The following ZNF57 variants were observed in gnomAD, a reference collection of about 807,000 sequenced individuals.
ZNF57 encodes the protein zinc finger protein 424.
In ZNF57, 11 loss-of-function variants were observed where a neutral mutation model predicts 13.4. The observed-to-expected ratio is 0.82, with a 90% CI of 0.52 to 1.36. ZNF57 has a LOEUF of 1.36. ZNF57 is among the 40% of genes most tolerant of loss of function. ZNF57 has a pLI of 0.00. For missense variants in ZNF57, 696 were observed against 667.5 expected (o/e 1.04, Z -0.47); for synonymous variants, 224 against 238.5 (o/e 0.94, Z 0.56).
chr19:2,901,132 C>T (rs995750286), intron 1 of ZNF57, 84 bp downstream of exon 1: 21 of 1,348,638 alleles, frequency 1.6e-5, no homozygotes, highest in African/African-American at 1.4e-4. Flanking sequence ...AGTCTGCGGC[C>T]GGGATTGGCT....
rs767991885 is a variant in ZNF57 at position 2,916,075 on chromosome 19, C to T, written c.131-3C>T. The T allele has an allele frequency of 7.5e-6, 12 of 1,603,084 alleles. No homozygotes were observed. The South Asian group carries it at 1.1e-4, about 15-fold the overall frequency. ...TTGAGATTTGTTTACTTTTTTGTTG[C>T]AGATGATGGGACTCAATTTAAAGCC... On this transcript the variant is annotated splice_polypyrimidine_tract_variant and splice_region_variant and intron_variant, in intron 2 of 3. Coordinates refer to ENST00000306908, the MANE Select transcript of ZNF57 (RefSeq NM_173480.3).
chr19:2,901,524 T>A (rs890039470), intron 1 of ZNF57, among the ~76,000 whole-genome samples: 42 of 43,330 alleles, frequency 9.7e-4, no homozygotes, highest in African/African-American at 2.4e-3. Context: ...TTTATTTTTT[T>A]ATTTTTTTTA....
chr19:2,908,461 G>GTTTTT (rs60289248), intron 1 of ZNF57, among the ~76,000 whole-genome samples: 2,492 of 122,590 alleles, frequency 0.02, 158 homozygotes, highest in African/African-American at 0.068. Flanking sequence ...TATTTTTTTG[G>GTTTTT]TTTTTTTTTT....
At chr19:2,909,100 T>A (rs1420756380) in intron 1 of ZNF57, among the ~76,000 whole-genome samples, 1 of 152,078 alleles carries the variant, frequency 6.6e-6, no homozygotes, top group Non-Finnish European at 1.5e-5. Context: ...TATCAGTTGA[T>A]CAACTTTGAG....
rs143668692 is a variant in ZNF57, at chr19:2,918,149, G to C, written c.1528G>C (p.Gly510Arg). 6.8e-5 allele frequency: 109 copies of C among 1,614,086 alleles called. No individual in the cohort carries two copies. The highest frequency in any genetic ancestry group is 8.6e-5 in the Non-Finnish European group (101 of 1,180,042). The stretch of plus-strand genomic sequence containing the variant: ...GAAACCTCACAAATGTAAACAATGT[G>C]GGATGTCCTTCAAGTGGCACTCCTC... Reference protein sequence around the residue: ...GEKPHKCKQCGMSFKWHSSFR... With the variant: ...GEKPHKCKQCRMSFKWHSSFR... The change falls in exon 4 of 4, where the codon GGG becomes CGG. Residue 510 changes from glycine (G) to arginine (R), a missense_variant. Physicochemically the swap from Gly to Arg is moderately radical, Grantham distance 125. This residue lies in a region of ZNF57 where 645 missense variants were observed against 591.5 expected (regional missense o/e 1.09). Transcript: ENST00000306908.
At chr19:2,902,590 A>G (rs921728106) in intron 1 of ZNF57, among the ~76,000 whole-genome samples, 1 of 152,212 alleles carries the variant, frequency 6.6e-6, no homozygotes, top group Non-Finnish European at 1.5e-5. Context: ...CAGACAAAAA[A>G]TAATAGTTAT....
rs916056141 is a variant in ZNF57 at position 2,916,974 on chromosome 19, G to C, written c.353G>C (p.Gly118Ala). 2 of 1,612,844 alleles carry C rather than the reference G, an allele frequency of 1.2e-6. No individual in the cohort carries two copies. Among genetic ancestry groups the C allele is most frequent in the South Asian group, 1.1e-5 (1 of 90,866 alleles). ...ACACATAATGAAGGTAATCAATATG[G>C]AGAAGCCATCCATCAAATGCCAGAT... Reference protein sequence around the residue: ...FCTHNEGNQYGEAIHQMPDLT... With the variant: ...FCTHNEGNQYAEAIHQMPDLT... The change falls in exon 4 of 4, where the codon GGA becomes GCA. Residue 118 changes from glycine to alanine, a missense_variant. Around this residue, in one of 3 missense-constraint regions of ZNF57, gnomAD observed 645 missense variants for 591.5 expected, o/e 1.09. Transcript: ENST00000306908.
In ZNF57 at chr19:2,917,072, C is replaced by G. The variant is rs1329149225; in HGVS notation, c.451C>G (p.His151Asp). The G allele has an allele frequency of 6.2e-7, 1 of 1,614,184 alleles. No homozygotes were observed. Among genetic ancestry groups the G allele is most frequent in the Non-Finnish European group, 8.5e-7 (1 of 1,180,038 alleles). ...ECTKCRTVFT[H>D]LSSLKRHVKS... Reference sequence around the variant, plus strand: ...CACCAAGTGCAGGACAGTCTTCACGCATCTTTCTTCTCTTAAAAGGCACGT... The same window carrying G: ...CACCAAGTGCAGGACAGTCTTCACGGATCTTTCTTCTCTTAAAAGGCACGT... Residue 151 changes from histidine to aspartate, a missense_variant, in exon 4 of 4, where the codon CAT (histidine) becomes GAT (aspartate). Physicochemically the swap from His to Asp is moderately conservative, Grantham distance 81 (BLOSUM62 -1). Around this residue, in one of 3 missense-constraint regions of ZNF57, gnomAD observed 645 missense variants for 591.5 expected, o/e 1.09. Coordinates refer to ENST00000306908, the MANE Select transcript of ZNF57 (RefSeq NM_173480.3).
Position 2,910,469 on chromosome 19 carries a change from T to C in ZNF57, c.4-5053T>C, listed in dbSNP as rs1323303348. On this transcript the variant is annotated intron_variant, in intron 1 of 3. Transcript: ENST00000306908. Reference sequence around the variant, plus strand: ...TTTCTTTTCTTTTCTTTTTTTTTTTTTTTTTTTTTGAGACAGAGTCTCACT... The same window carrying C: ...TTTCTTTTCTTTTCTTTTTTTTTTTCTTTTTTTTTGAGACAGAGTCTCACT... 5.7e-5 allele frequency among the ~76,000 whole-genome samples: 2 copies of C among 35,048 alleles called. 1 individual carries two copies. Among genetic ancestry groups the C allele is most frequent in the African/African-American group, 1.3e-4 (2 of 15,442 alleles). The allele number at this position is 35,048 out of a possible 152,430, so 23.0% of individuals were successfully genotyped here.
intron 2 of ZNF57, 145 bp downstream of exon 2, chr19:2,915,793 T>C: frequency 7.5e-7 from 1 of 1,325,272 alleles, no homozygotes; most frequent in Non-Finnish European, 1.1e-6. Flanking sequence ...CATTATTCCC[T>C]AACAGTGAAA....
At chr19:2,915,098 C>T in intron 1 of ZNF57, 1 of 160,156 alleles carries the variant, frequency 6.2e-6, no homozygotes, top group Middle Eastern at 3.0e-3. Flanking sequence ...AGCCTCAGGC[C>T]CGTCCATACA....
chr19:2,905,649 C>A (rs2088068712), intron 1 of ZNF57, among the ~76,000 whole-genome samples: 2 of 151,150 alleles, frequency 1.3e-5, no homozygotes, highest in African/African-American at 4.9e-5. Flanking sequence ...CCTGTAGTCC[C>A]AGCTACTCGG....
intron 1 of ZNF57, among the ~76,000 whole-genome samples, chr19:2,914,559 C>G (rs1841376140): frequency 6.6e-6 from 1 of 152,162 alleles, no homozygotes; most frequent in South Asian, 2.1e-4. Context: ...CCGGCCACTA[C>G]TTTCATTTTC....
At chr19:2,903,583 A>C (rs1276814649) in intron 1 of ZNF57, among the ~76,000 whole-genome samples, 1 of 151,166 alleles carries the variant, frequency 6.6e-6, no homozygotes, top group Admixed American at 6.6e-5. Context: ...TCTCTTCAAC[A>C]CCTGTGTGCT....
Position 2,902,318 on chromosome 19 carries a change from T to C in ZNF57, c.3+1270T>C, listed in dbSNP as rs1599594526. Among the ~76,000 whole-genome samples the C allele has an allele frequency of 2.0e-5, 3 of 152,274 alleles. No homozygotes were observed. The South Asian group carries it at 6.2e-4, about 32-fold the overall frequency. ...GGGCAGCCGGTGTCAGTAAATGTAC[T>C]GTACTGTTCTCCTGTTTGGCTTTTT... On this transcript the variant is annotated intron_variant, in intron 1 of 3. Coordinates refer to ENST00000306908, the MANE Select transcript of ZNF57 (RefSeq NM_173480.3).
chr19:2,913,426 G>A (rs1382497921), intron 1 of ZNF57, among the ~76,000 whole-genome samples: 1 of 151,962 alleles, frequency 6.6e-6, no homozygotes, highest in Non-Finnish European at 1.5e-5. Flanking sequence ...TTAGGTTGTT[G>A]ATTTGCAATC....
intron 1 of ZNF57, among the ~76,000 whole-genome samples, chr19:2,913,878 C>A (rs2088163855): frequency 6.6e-6 from 1 of 152,154 alleles, no homozygotes; most frequent in Admixed American, 6.5e-5. Context: ...TGAGCTCCAG[C>A]GATCCATCTG....
Position 2,917,689 on chromosome 19 carries a change from G to GA in ZNF57, c.1069dup (p.Thr357AsnfsTer9), listed in dbSNP as rs1176712985. On this transcript the variant is annotated frameshift_variant, in exon 4 of 4. Transcript: ENST00000306908. LOFTEE classifies it low-confidence loss of function (END_TRUNC). ...CCAGATCATTCCAAGGTCATTTGAGGACGCACACTGGAGAGAAACCTTATG... is the reference window on the plus strand; with the variant it reads ...CCAGATCATTCCAAGGTCATTTGAGGAACGCACACTGGAGAGAAACCTTATG... 1.2e-6 allele frequency: 2 copies of GA among 1,613,574 alleles called. No individual in the cohort carries two copies. The highest frequency in any genetic ancestry group is 3.3e-5 in the Admixed American group (2 of 59,936).
At chr19:2,914,150 T>A (rs2144931933) in intron 1 of ZNF57, among the ~76,000 whole-genome samples, 1 of 152,324 alleles carries the variant, frequency 6.6e-6, no homozygotes, top group Non-Finnish European at 1.5e-5. Flanking sequence ...TGTTCTCTCA[T>A]TAAAAAGTGG....
Sources: gnomAD v4.1 joint callset for allele counts (sites outside exome capture counted in the v4.1 genomes callset) on GRCh38, gnomAD v4.1.1 for gene constraint, gnomAD v4.1.1 regional missense constraint, MANE v1.5 for transcripts, NCBI Gene and HGNC (gene_info 2026-07-23, HGNC 2026-07-21) for gene names.